FRAS1: variants seen among roughly 807,000 people sequenced by gnomAD.
FRAS1 encodes the protein extracellular matrix organizing protein FRAS1.
Under a neutral mutation model 435.2 loss-of-function variants are expected in FRAS1, and 290 were observed. That is an observed-to-expected ratio of 0.67 (90% confidence interval 0.61 to 0.73). FRAS1 has a LOEUF of 0.73. Ranked by LOEUF, FRAS1 falls within the 30% of genes least tolerant of loss-of-function variation. The pLI is 0.00. For synonymous variants in FRAS1, 1,800 were observed against 1,851.0 expected, an observed-to-expected ratio of 0.97 and a Z score of 0.71; for missense variants, 4,860 against 5,001.5, an observed-to-expected ratio of 0.97 and a Z score of 0.85.
rs912073735 is a variant in FRAS1, at chr4:78,377,602, G to C, written c.3292+1723G>C. 3.3e-5 allele frequency among the ~76,000 whole-genome samples: 5 copies of C among 152,176 alleles called. No individual in the cohort carries two copies. In the East Asian group the frequency reaches 9.6e-4, roughly 29 times the overall value. On this transcript the variant is annotated intron_variant, in intron 26 of 73. Coordinates refer to ENST00000512123, the MANE Select transcript of FRAS1 (RefSeq NM_025074.7). Reference sequence around the variant, plus strand: ...TCATGTGGACAAAGATTATAAAATTGTAAGACAAGGTATGTGTATTTCACA... The same window carrying C: ...TCATGTGGACAAAGATTATAAAATTCTAAGACAAGGTATGTGTATTTCACA...
intron 2 of FRAS1, among the ~76,000 whole-genome samples, chr4:78,084,367 C>G (rs1197054279): frequency 6.6e-6 from 1 of 152,036 alleles, no homozygotes; most frequent in Admixed American, 6.6e-5. Context: ...TCTGCTGTTA[C>G]TATTGATTGA....
chr4:78,065,951 TC>T (rs1189758974), intron 1 of FRAS1, 33 bp from the exon 2 acceptor site: 3 of 1,563,232 alleles, frequency 1.9e-6, no homozygotes, highest in Non-Finnish European at 2.6e-6. Context: ...TTATTATGCA[TC>T]CCTTTTAATT....
At chr4:78,371,083 G>GGTTTTTTTTTT (rs1456015210) in intron 23 of FRAS1, among the ~76,000 whole-genome samples, 11 of 127,436 alleles carry the variant, frequency 8.6e-5, no homozygotes, top group Middle Eastern at 3.9e-3. Context: ...TTTTTTTTCT[G>GGTTTTTTTTTT]TTTTTTTGTT....
chr4:78,372,698 A>G lies in FRAS1; in HGVS notation c.2870-20A>G. On this transcript the variant is annotated intron_variant, in intron 23 of 73. Transcript: ENST00000512123. ...GGGTGGACAGAAAGGAAGATAATCT[A>G]ATGCAGACTTTCTTTTTAGAGTGTG... 6.2e-7 allele frequency: 1 copy of G among 1,611,618 alleles called. No individual in the cohort carries two copies. The highest frequency in any genetic ancestry group is 8.5e-7 in the Non-Finnish European group (1 of 1,179,724).
intron 6 of FRAS1, among the ~76,000 whole-genome samples, chr4:78,256,962 G>T (rs1725825273): frequency 6.6e-6 from 1 of 152,038 alleles, no homozygotes; most frequent in Non-Finnish European, 1.5e-5. Flanking sequence ...ATCCAAAGGG[G>T]TGCTATCAAA....
At position 78,400,870 on chromosome 4, in the gene FRAS1, A is replaced by G. The variant is rs760095876; in HGVS notation, c.4112A>G (p.Gln1371Arg). ...GAAGAAATCATCTACAAGATTACAC[A>G]AGACTACCCCCAGTTTGGTAACTAT... Reference protein sequence around the residue: ...SAEEIIYKITQDYPQFGEVVL... With the variant: ...SAEEIIYKITRDYPQFGEVVL... The change falls in exon 30 of 74, where the codon CAA (glutamine) becomes CGA (arginine). Residue 1371 changes from glutamine (Q) to arginine (R), a missense_variant. By Grantham distance (43) the Gln-to-Arg change is conservative. Transcript: ENST00000512123. 4 of 1,613,578 alleles carry G rather than the reference A, an allele frequency of 2.5e-6. No homozygotes were observed. Among genetic ancestry groups the G allele is most frequent in the East Asian group, 4.5e-5 (2 of 44,876 alleles).
intron 37 of FRAS1, 40 bp downstream of exon 37, chr4:78,430,457 G>C: frequency 1.3e-6 from 2 of 1,585,310 alleles, no homozygotes; most frequent in Non-Finnish European, 1.7e-6. Context: ...GACCTGCTTG[G>C]AGGATTTTTT....
Position 78,255,239 on chromosome 4 carries a change from C to T in FRAS1, c.470-3C>T. ...AGTAATCCTTGTTTCTTTGACCTTC[C>T]AGAACCCTGTTCCTATGAAGGCCAT... On this transcript the variant is annotated splice_polypyrimidine_tract_variant and splice_region_variant and intron_variant, in intron 5 of 73. Transcript: ENST00000512123. 1 of 1,551,888 alleles carries T rather than the reference C, an allele frequency of 6.4e-7. No homozygotes were observed.
chr4:78,540,835 T>G lies in FRAS1; in HGVS notation c.11750T>G (p.Leu3917Arg). Residue 3917 changes from leucine to arginine, a missense_variant, in exon 74 of 74, where the codon CTT becomes CGT. Physicochemically the swap from Leu to Arg is moderately radical, Grantham distance 102. Coordinates refer to ENST00000512123, the MANE Select transcript of FRAS1 (RefSeq NM_025074.7). ...GCCCTGGCTGCAATCATGCTTCTACTTCTGGTGTTTTTGGTGGCTTGTTTT... is the reference window on the plus strand; with the variant it reads ...GCCCTGGCTGCAATCATGCTTCTACGTCTGGTGTTTTTGGTGGCTTGTTTT... ...GSALAAIMLL[L>R]LVFLVACFIN... is the part of the protein sequence containing the mutation. The G allele has an allele frequency of 6.2e-7, 1 of 1,613,984 alleles. No individual in the cohort carries two copies. Among genetic ancestry groups the G allele is most frequent in the Non-Finnish European group, 8.5e-7 (1 of 1,179,874 alleles).
At chr4:78,186,750 C>T (rs1464041194) in intron 2 of FRAS1, among the ~76,000 whole-genome samples, 1 of 152,084 alleles carries the variant, frequency 6.6e-6, no homozygotes, top group African/African-American at 2.4e-5. Flanking sequence ...ACAAGAAGAT[C>T]GTAATGTGAT....
Position 78,537,025 on chromosome 4 carries a change from A to G in FRAS1, c.11123A>G (p.Asn3708Ser). 6.2e-7 allele frequency: 1 copy of G among 1,614,000 alleles called. No individual in the cohort carries two copies. The highest frequency in any genetic ancestry group is 1.7e-5 in the Admixed American group (1 of 60,028). ...GQILYGRVLWNPEQNLNSAYK... is the reference protein window; with the variant it reads ...GQILYGRVLWSPEQNLNSAYK... ...ATCCTTTATGGCCGAGTACTTTGGAATCCAGAACAAAATCTTAATTCTGCT... is the reference window on the plus strand; with the variant it reads ...ATCCTTTATGGCCGAGTACTTTGGAGTCCAGAACAAAATCTTAATTCTGCT... Residue 3708 changes from asparagine (N) to serine (S), a missense_variant, in exon 72 of 74, where the codon AAT becomes AGT. Transcript: ENST00000512123.
At position 78,074,897 on chromosome 4, in the gene FRAS1, A is replaced by G. The variant is rs562004427; in HGVS notation, c.108+8881A>G. ...GATATAGCTTCAGTTCTCTTAGCCA[A>G]TGGGGTTGCTGGTTCTGACCTCAGA... On this transcript the variant is annotated intron_variant, in intron 2 of 73. Transcript: ENST00000512123. Among the ~76,000 whole-genome samples, 7 of 152,292 alleles carry G rather than the reference A, an allele frequency of 4.6e-5. No homozygotes were observed. In the South Asian group the frequency reaches 1.5e-3, roughly 32 times the overall value.
intron 58 of FRAS1, 79 bp from the exon 59 acceptor site, chr4:78,488,796 T>C: frequency 7.4e-7 from 1 of 1,353,452 alleles, no homozygotes. Flanking sequence ...AAATAGCTGC[T>C]GAAGGCTGAC....
At chr4:78,178,721 C>A (rs1721876586) in intron 2 of FRAS1, among the ~76,000 whole-genome samples, 1 of 152,144 alleles carries the variant, frequency 6.6e-6, no homozygotes, top group Non-Finnish European at 1.5e-5. Flanking sequence ...CTGCTCTCAG[C>A]CAGTGACTGG....
At chr4:78,454,155 G>C (rs941257620) in intron 47 of FRAS1, among the ~76,000 whole-genome samples, 1 of 146,926 alleles carries the variant, frequency 6.8e-6, no homozygotes, top group Non-Finnish European at 1.5e-5. Flanking sequence ...AAGCCAGGTA[G>C]CTGGCCACGC....
intron 2 of FRAS1, among the ~76,000 whole-genome samples, chr4:78,216,321 A>T (rs1205890549): frequency 6.6e-6 from 1 of 152,188 alleles, no homozygotes; most frequent in East Asian, 1.9e-4. Flanking sequence ...TATAACTATT[A>T]TTCTTTGTAT....
In FRAS1 at chr4:78,372,157, T is replaced by A. The variant is rs181264474; in HGVS notation, c.2870-561T>A. Among the ~76,000 whole-genome samples the A allele has an allele frequency of 2.0e-5, 3 of 152,338 alleles. No homozygotes were observed. The East Asian group carries it at 5.8e-4, about 29-fold the overall frequency. On this transcript the variant is annotated intron_variant, in intron 23 of 73. Transcript: ENST00000512123. ...CCTTCTATTGTTTTAGCAACCTCTT[T>A]CTTTCTGGACAGCACCTTTATGCCC...
chr4:78,407,737 A>T lies in FRAS1; in HGVS notation c.4204A>T (p.Thr1402Ser). 1 of 1,613,690 alleles carries T rather than the reference A, an allele frequency of 6.2e-7. No individual in the cohort carries two copies. Among genetic ancestry groups the T allele is most frequent in the Non-Finnish European group, 8.5e-7 (1 of 1,179,796 alleles). The change falls in exon 31 of 74, where the codon ACA (threonine) becomes TCA (serine). Residue 1402 changes from threonine to serine, a missense_variant. Thr to Ser is a moderately conservative substitution (Grantham distance 58, BLOSUM62 1). Coordinates refer to ENST00000512123, the MANE Select transcript of FRAS1 (RefSeq NM_025074.7). ...AGGGCAGCACCTGCCTGATGGGAGG[A>T]CAGCTACCCCCACCAGCACCTTCAC... Reference protein sequence around the residue: ...DEGQHLPDGRTATPTSTFTQQ... With the variant: ...DEGQHLPDGRSATPTSTFTQQ...
At chr4:78,212,404 G>A (rs148872793) in intron 2 of FRAS1, among the ~76,000 whole-genome samples, 1 of 152,234 alleles carries the variant, frequency 6.6e-6, no homozygotes, top group Non-Finnish European at 1.5e-5. Context: ...AGTCAAAGGA[G>A]CTTAAGAAAG....
Sources: gnomAD v4.1 joint callset for allele counts (sites outside exome capture counted in the v4.1 genomes callset) on GRCh38, gnomAD v4.1.1 for gene constraint, MANE v1.5 for transcripts, NCBI Gene and HGNC (gene_info 2026-07-23, HGNC 2026-07-21) for gene names.